TENM4: variants seen among roughly 807,000 people sequenced by gnomAD.
TENM4 encodes teneurin-4.
TENM4 carries 82 observed loss-of-function variants against 243.3 expected under a neutral mutation model. The ratio of observed to expected loss-of-function variants is 0.34; its 90% CI spans 0.28 to 0.40. TENM4 has a LOEUF of 0.40. TENM4 is among the 10% of genes least tolerant of loss of function. The pLI, the probability that TENM4 is intolerant of heterozygous loss-of-function variation, is 1.00. For synonymous variants in TENM4, 1,412 were observed against 1,456.3 expected (o/e 0.97, Z 0.69); for missense variants, 3,138 against 3,673.3 (o/e 0.85, Z 3.77).
chr11:79,154,662 C>T (rs1235140014), intron 3 of TENM4, among the ~76,000 whole-genome samples: 1 of 152,160 alleles, frequency 6.6e-6, no homozygotes, highest in Non-Finnish European at 1.5e-5. Flanking sequence ...TGGGAGTCCC[C>T]TCTTCCCCTT....
At chr11:79,347,796 G>A (rs1423989440) in intron 1 of TENM4, among the ~76,000 whole-genome samples, 2 of 121,740 alleles carry the variant, frequency 1.6e-5, no homozygotes, top group Non-Finnish European at 3.2e-5. Flanking sequence ...TTTTTGAGAC[G>A]GAGTCTCGCT....
intron 6 of TENM4, among the ~76,000 whole-genome samples, chr11:78,926,098 T>G (rs1190280200): frequency 6.6e-6 from 1 of 152,142 alleles, no homozygotes; most frequent in Non-Finnish European, 1.5e-5. Context: ...GGGAATCTTC[T>G]TCTATTGCAC....
At chr11:78,761,269 T>TCGCTCTGTTGCCC (rs1053819909) in intron 18 of TENM4, among the ~76,000 whole-genome samples, 1 of 151,788 alleles carries the variant, frequency 6.6e-6, no homozygotes, top group Non-Finnish European at 1.5e-5. Flanking sequence ...AGACGTTGTC[T>TCGCTCTGTTGCCC]CGCTCTGTTG....
At chr11:78,689,626 C>A (rs1032618591) in intron 28 of TENM4, among the ~76,000 whole-genome samples, 3 of 152,122 alleles carry the variant, frequency 2.0e-5, no homozygotes, top group African/African-American at 7.2e-5. Context: ...TGCTGGGATT[C>A]CTGGGTCTGC....
intron 16 of TENM4, among the ~76,000 whole-genome samples, chr11:78,785,677 TTATTAA>T (rs947201938): frequency 6.6e-6 from 1 of 152,176 alleles, no homozygotes; most frequent in Admixed American, 6.5e-5. Context: ...GCCATTATTA[TTATTAA>T]TATTAATAAA....
At chr11:79,265,173 A>C (rs886744617) in intron 2 of TENM4, among the ~76,000 whole-genome samples, 3 of 152,226 alleles carry the variant, frequency 2.0e-5, no homozygotes, top group Admixed American at 6.5e-5. Flanking sequence ...ACTGCCTTGT[A>C]ATGCATGAAA....
chr11:79,281,435 T>C (rs1157347006), intron 2 of TENM4, among the ~76,000 whole-genome samples: 4 of 152,192 alleles, frequency 2.6e-5, no homozygotes, highest in African/African-American at 9.7e-5. Context: ...TTGAAAGTTT[T>C]TGGAGAATGC....
In TENM4 at chr11:78,787,096, G is replaced by C; in HGVS notation, c.2180-13C>G. The C allele has an allele frequency of 1.3e-6, 2 of 1,534,672 alleles. No individual in the cohort carries two copies. Among genetic ancestry groups the C allele is most frequent in the African/African-American group, 2.7e-5 (2 of 72,868 alleles). On this transcript the variant is annotated splice_polypyrimidine_tract_variant and intron_variant, in intron 15 of 33. Transcript: ENST00000278550. ...GCAGCACAGATCTCTGTGGGGAGGA[G>C]CAGAAGAAGGGAGGACACCAGGGCC... is the stretch of plus-strand genomic sequence containing the variant.
intron 29 of TENM4, among the ~76,000 whole-genome samples, chr11:78,676,798 TACTC>T (rs2135699054): frequency 6.6e-6 from 1 of 152,348 alleles, no homozygotes; most frequent in South Asian, 2.1e-4. Flanking sequence ...CTCAAATAGA[TACTC>T]AGTTTGATTC....
chr11:79,395,187 T>G (rs1346369777), intron 1 of TENM4, among the ~76,000 whole-genome samples: 2 of 152,204 alleles, frequency 1.3e-5, no homozygotes, highest in Non-Finnish European at 2.9e-5. Context: ...AACTAATTCC[T>G]CCCTGAATTC....
At chr11:78,928,453 A>C (rs181599960) in intron 6 of TENM4, among the ~76,000 whole-genome samples, 2 of 152,376 alleles carry the variant, frequency 1.3e-5, no homozygotes, top group Admixed American at 1.3e-4. Context: ...AAGCTAAATC[A>C]AAACAACAAG....
chr11:78,740,203 A>C (rs906688996), intron 19 of TENM4, among the ~76,000 whole-genome samples: 2 of 152,224 alleles, frequency 1.3e-5, no homozygotes, highest in African/African-American at 2.4e-5. Context: ...TGCCGTATGA[A>C]GTACCCACAC....
At chr11:79,045,333 C>T (rs1452382384) in intron 6 of TENM4, among the ~76,000 whole-genome samples, 1 of 152,050 alleles carries the variant, frequency 6.6e-6, no homozygotes, top group Non-Finnish European at 1.5e-5. Flanking sequence ...TGAAGAAGCA[C>T]AGTGGAGTTG....
intron 1 of TENM4, among the ~76,000 whole-genome samples, chr11:79,361,098 A>G (rs923443812): frequency 3.9e-5 from 6 of 152,236 alleles, no homozygotes; most frequent in East Asian, 1.9e-4. Flanking sequence ...ATGATATTTA[A>G]GAGGATTATG....
chr11:78,892,543 G>A (rs950085142), intron 7 of TENM4, among the ~76,000 whole-genome samples: 4 of 152,096 alleles, frequency 2.6e-5, no homozygotes, highest in African/African-American at 9.7e-5. Context: ...ATGTAAAAAG[G>A]GATTACAGTA....
intron 6 of TENM4, among the ~76,000 whole-genome samples, chr11:79,045,204 A>C (rs1859628114): frequency 6.6e-6 from 1 of 152,162 alleles, no homozygotes; most frequent in Non-Finnish European, 1.5e-5. Flanking sequence ...TGGTCAGGCA[A>C]GAATTGATTT....
intron 9 of TENM4, among the ~76,000 whole-genome samples, chr11:78,884,015 CTAA>C: frequency 6.6e-6 from 1 of 152,346 alleles, no homozygotes; most frequent in South Asian, 2.1e-4. Context: ...GCTAATAATT[CTAA>C]TAATACTTTT....
chr11:79,310,143 G>A (rs1218217931), intron 1 of TENM4, among the ~76,000 whole-genome samples: 12 of 152,168 alleles, frequency 7.9e-5, no homozygotes, highest in East Asian at 3.8e-4. Context: ...CACAGGCCCC[G>A]GCACAAAGGA....
Position 78,661,389 on chromosome 11 carries a change from G to T in TENM4, c.7551+60C>A, listed in dbSNP as rs1196626528. Reference sequence around the variant, plus strand: ...GCCCATGCTTTTCTGAAAAGCTGAAGGGACCCCCTCCAGTAATGTCTGAGT... The same window carrying T: ...GCCCATGCTTTTCTGAAAAGCTGAATGGACCCCCTCCAGTAATGTCTGAGT... On this transcript the variant is annotated intron_variant, in intron 33 of 33. Coordinates refer to ENST00000278550, the MANE Select transcript of TENM4 (RefSeq NM_001098816.3). 18 of 1,564,562 alleles carry T rather than the reference G, an allele frequency of 1.2e-5. 1 individual carries two copies. The highest frequency in any genetic ancestry group is 1.4e-5 in the Non-Finnish European group (16 of 1,153,576).
Sources: allele counts gnomAD v4.1 joint callset (sites outside exome capture counted in the v4.1 genomes callset), GRCh38; gene constraint gnomAD v4.1.1; transcripts MANE v1.5; gene names NCBI Gene and HGNC (gene_info 2026-07-23, HGNC 2026-07-21).